The following EBF3 variants were observed in gnomAD, a reference collection of about 807,000 sequenced individuals.
EBF3 encodes transcription factor COE3.
Under a neutral mutation model 77.1 loss-of-function variants are expected in EBF3, and 18 were observed. The ratio of observed to expected loss-of-function variants is 0.23; its 90% CI spans 0.16 to 0.35. The LOEUF is 0.35. Among genes scored for constraint, EBF3 ranks in the 10% least tolerant of loss-of-function variants. EBF3 has a pLI of 1.00. For missense variants in EBF3, 558 were observed against 860.0 expected (o/e 0.65, Z 4.39); for synonymous variants, 350 against 343.5 (o/e 1.02, Z -0.21).
rs1854498584 is a variant in EBF3 at position 129,897,798 on chromosome 10, T to C, written c.555-19949A>G. On this transcript the variant is annotated intron_variant, in intron 6 of 16. Transcript: ENST00000440978. This position sits in a 1 kb window ranked among gnomAD's most constrained non-coding sequence, Gnocchi z 4.6. ...ACATCTTACTTTCCTACATTTATCG[T>C]GACGGGGCCACTTGTGGGTATGCGA... is the stretch of plus-strand genomic sequence containing the variant. 6.6e-6 allele frequency among the ~76,000 whole-genome samples: 1 copy of C among 152,244 alleles called. No homozygotes were observed. The highest frequency in any genetic ancestry group is 1.5e-5 in the Non-Finnish European group (1 of 68,048).
chr10:129,887,066 G>C (rs1463292343), intron 6 of EBF3, among the ~76,000 whole-genome samples: 1 of 106,750 alleles, frequency 9.4e-6, no homozygotes, highest in African/African-American at 3.3e-5. Context: ...GGGGGGGGGG[G>C]GAGGTGAATA....
chr10:129,925,355 A>G (rs536091154), intron 6 of EBF3, among the ~76,000 whole-genome samples: 1 of 152,028 alleles, frequency 6.6e-6, no homozygotes, highest in South Asian at 2.1e-4. Flanking sequence ...AACTCTTAGG[A>G]CAATGTGCGG....
intron 8 of EBF3, 29 bp from the exon 9 acceptor site, chr10:129,867,941 C>T (rs1427962687): frequency 6.2e-7 from 1 of 1,609,606 alleles, no homozygotes; most frequent in Non-Finnish European, 8.5e-7. Context: ...GAAGGCAGAC[C>T]TTAGAGCCCC....
At chr10:129,874,441 T>C (rs1464773020) in intron 7 of EBF3, among the ~76,000 whole-genome samples, 2 of 152,090 alleles carry the variant, frequency 1.3e-5, no homozygotes, top group Non-Finnish European at 2.9e-5. Flanking sequence ...CAGGGGAGCT[T>C]GCCACAAACA....
At chr10:129,858,807 T>C (rs951294736) in intron 10 of EBF3, among the ~76,000 whole-genome samples, 5 of 152,034 alleles carry the variant, frequency 3.3e-5, no homozygotes, top group Non-Finnish European at 7.4e-5. Flanking sequence ...AAGCTCTCTA[T>C]CTGGGAAGAC....
intron 6 of EBF3, among the ~76,000 whole-genome samples, chr10:129,934,909 T>C (rs908811198): frequency 1.3e-5 from 2 of 152,154 alleles, no homozygotes; most frequent in Admixed American, 6.5e-5. Context: ...TGGCACACTC[T>C]AGAACCCAAA....
Position 129,870,058 on chromosome 10 carries a change from T to C in EBF3, c.782-2146A>G, listed in dbSNP as rs761346342. ...GAGAAAAGAAAAAAAGAATCCAGGATCTACTGCATGCACAAGAGACTGCTA... is the reference window on the plus strand; with the variant it reads ...GAGAAAAGAAAAAAAGAATCCAGGACCTACTGCATGCACAAGAGACTGCTA... On this transcript the variant is annotated intron_variant, in intron 8 of 16. Transcript: ENST00000440978. The surrounding 1 kb of genome is among the most constrained non-coding windows in gnomAD (Gnocchi z 4.4). 3.1e-4 allele frequency among the ~76,000 whole-genome samples: 47 copies of C among 151,722 alleles called. No individual in the cohort carries two copies. The highest frequency in any genetic ancestry group is 4.9e-4 in the Non-Finnish European group (33 of 67,976).
rs1287767168 is a variant in EBF3 at position 129,935,037 on chromosome 10, A to G, written c.554+22221T>C. 6.6e-6 allele frequency among the ~76,000 whole-genome samples: 1 copy of G among 152,184 alleles called. No individual in the cohort carries two copies. Among genetic ancestry groups the G allele is most frequent in the Non-Finnish European group, 1.5e-5 (1 of 68,030 alleles). On this transcript the variant is annotated intron_variant, in intron 6 of 16. Coordinates refer to ENST00000440978, the MANE Select transcript of EBF3 (RefSeq NM_001375380.1). This position sits in a 1 kb window ranked among gnomAD's most constrained non-coding sequence, Gnocchi z 4.2. ...AGATCAATAACAAGTAATGTTTAAG[A>G]TAAGTACATCCCAAATATCTCATGG...
At chr10:129,942,933 C>T (rs1484645012) in intron 6 of EBF3, among the ~76,000 whole-genome samples, 4 of 152,216 alleles carry the variant, frequency 2.6e-5, no homozygotes, top group African/African-American at 7.2e-5. Context: ...CACGCGTTGA[C>T]ATTAATTCAG....
chr10:129,934,584 C>T (rs1857236044), intron 6 of EBF3, among the ~76,000 whole-genome samples: 1 of 152,126 alleles, frequency 6.6e-6, no homozygotes, highest in African/African-American at 2.4e-5. Context: ...CATTTGCATA[C>T]TATTAAGTGG....
At chr10:129,847,091 C>G (rs112788583) in intron 11 of EBF3, among the ~76,000 whole-genome samples, 5 of 152,074 alleles carry the variant, frequency 3.3e-5, no homozygotes, top group Non-Finnish European at 7.4e-5. Context: ...CAGCTGCCAG[C>G]GGGGAGGACT....
At position 129,963,496 on chromosome 10, in the gene EBF3, G is replaced by C; in HGVS notation, c.162C>G (p.Phe54Leu). 6.4e-7 allele frequency: 1 copy of C among 1,572,658 alleles called. No homozygotes were observed. Among genetic ancestry groups the C allele is most frequent in the Non-Finnish European group, 8.6e-7 (1 of 1,159,572 alleles). ...QSGVGLARAHFEKQPPSNLRK... is the reference protein window; with the variant it reads ...QSGVGLARAHLEKQPPSNLRK... ...GGAGGTTGGAAGGCGGCTGCTTCTCGAAGTGCGCCCGCGCCAGCCCCACGC... is the reference window on the plus strand; with the variant it reads ...GGAGGTTGGAAGGCGGCTGCTTCTCCAAGTGCGCCCGCGCCAGCCCCACGC... Residue 54 changes from phenylalanine to leucine, a missense_variant, in exon 2 of 17, where the codon TTC becomes TTG. Around this residue, in one of 5 missense-constraint regions of EBF3, gnomAD observed 84 missense variants for 142.3 expected, o/e 0.59. Transcript: ENST00000440978. The surrounding 1 kb of genome is among the most constrained non-coding windows in gnomAD (Gnocchi z 7.1).
chr10:129,906,703 T>G lies in EBF3; in HGVS notation c.555-28854A>C, dbSNP rs1203302202. Among the ~76,000 whole-genome samples, 4 of 152,116 alleles carry G rather than the reference T, an allele frequency of 2.6e-5. No individual in the cohort carries two copies. In the East Asian group the frequency reaches 5.8e-4, roughly 22 times the overall value. On this transcript the variant is annotated intron_variant, in intron 6 of 16. Coordinates refer to ENST00000440978, the MANE Select transcript of EBF3 (RefSeq NM_001375380.1). The stretch of plus-strand genomic sequence containing the variant: ...CTTGAAAAAAACGTCAGGCTAAACC[T>G]CAATTGTTTGATTGAGAAGGGTTGG...
rs769231103 is a variant in EBF3, at chr10:129,864,202, C to T, written c.1039+2939G>A. 6.6e-6 allele frequency among the ~76,000 whole-genome samples: 1 copy of T among 152,140 alleles called. No homozygotes were observed. The highest frequency in any genetic ancestry group is 6.5e-5 in the Admixed American group (1 of 15,276). On this transcript the variant is annotated intron_variant, in intron 10 of 16. Coordinates refer to ENST00000440978, the MANE Select transcript of EBF3 (RefSeq NM_001375380.1). This position sits in a 1 kb window ranked among gnomAD's most constrained non-coding sequence, Gnocchi z 4.4. ...CTACCTGGCTGGAGGGCAACAGGAA[C>T]AGGCTACAGACAGGAGAGAGCTGCC...
intron 6 of EBF3, among the ~76,000 whole-genome samples, chr10:129,916,702 C>A (rs567601218): frequency 6.6e-6 from 1 of 152,290 alleles, no homozygotes; most frequent in Admixed American, 6.5e-5. Flanking sequence ...CAGGGCCTGG[C>A]CACCAGGGCC....
intron 5 of EBF3, among the ~76,000 whole-genome samples, chr10:129,958,640 G>C (rs1469870302): frequency 6.6e-6 from 1 of 152,140 alleles, no homozygotes; most frequent in African/African-American, 2.4e-5. Flanking sequence ...TGACTCCTCC[G>C]GCACCGCGGA....
chr10:129,914,827 G>A (rs1855764506), intron 6 of EBF3, among the ~76,000 whole-genome samples: 1 of 152,198 alleles, frequency 6.6e-6, no homozygotes, highest in Non-Finnish European at 1.5e-5. Flanking sequence ...CACCCAACGG[G>A]TGTCATGAGA....
rs556730087 is a variant in EBF3 at position 129,839,319 on chromosome 10, C to T, written c.1760-124G>A. On this transcript the variant is annotated intron_variant, in intron 15 of 16. Coordinates refer to ENST00000440978, the MANE Select transcript of EBF3 (RefSeq NM_001375380.1). ...GTGGTGTCTGAAAGAGGCCAGATGA[C>T]GGCCACTTAATTTAAGTGCCTGCGG... 42 of 423,094 alleles carry T rather than the reference C, an allele frequency of 9.9e-5. No homozygotes were observed. In the East Asian group the frequency reaches 2.1e-3, roughly 21 times the overall value. 26.2% of individuals were successfully genotyped at this position (423,094 alleles called of 1,614,324 possible). A position where few individuals can be genotyped will look rare whatever the true frequency, so the allele number is the denominator to read the frequency against.
rs998790958 is a variant in EBF3, at chr10:129,947,035, C to T, written c.554+10223G>A. ...AGTGGCTGGATCGGGCCGATGACCT[C>T]GGACAGTGGGGACCAGCAGCACGTC... On this transcript the variant is annotated intron_variant, in intron 6 of 16. Coordinates refer to ENST00000440978, the MANE Select transcript of EBF3 (RefSeq NM_001375380.1). The surrounding 1 kb of genome is among the most constrained non-coding windows in gnomAD (Gnocchi z 4.5). Among the ~76,000 whole-genome samples, 16 of 152,128 alleles carry T rather than the reference C, an allele frequency of 1.1e-4. No individual in the cohort carries two copies. Among genetic ancestry groups the T allele is most frequent in the Admixed American group, 6.5e-4 (10 of 15,274 alleles).
Sources: allele counts gnomAD v4.1 joint callset (sites outside exome capture counted in the v4.1 genomes callset), GRCh38; gene constraint gnomAD v4.1.1; regional missense constraint gnomAD v4.1.1; non-coding constraint Gnocchi (gnomAD v3.1); transcripts MANE v1.5; gene names NCBI Gene and HGNC (gene_info 2026-07-23, HGNC 2026-07-21).